FREM2: variants seen among roughly 807,000 people sequenced by gnomAD.
The protein encoded by FREM2 is FRAS1 related extracellular matrix 2.
A neutral mutation model predicts 219.9 loss-of-function variants in FREM2; 119 were observed. That is an observed-to-expected ratio of 0.54 (90% CI 0.47 to 0.63). FREM2 has a LOEUF of 0.63. Among genes scored for constraint, FREM2 ranks in the 30% least tolerant of loss-of-function variants. The pLI, the probability that FREM2 is intolerant of heterozygous loss-of-function variation, is 0.00. For missense variants in FREM2, 4,030 were observed against 3,993.6 expected, an observed-to-expected ratio of 1.01 and a Z score of -0.25; for synonymous variants, 1,562 against 1,522.8, an observed-to-expected ratio of 1.03 and a Z score of -0.60.
In FREM2 at chr13:38,883,040, A is replaced by C. The variant is rs1878601508; in HGVS notation, c.*2253A>C. 1 of 152,110 alleles carries C rather than the reference A, an allele frequency of 6.6e-6. No individual in the cohort carries two copies. The highest frequency in any genetic ancestry group is 6.6e-5 in the Admixed American group (1 of 15,262). 9.4% of individuals were successfully genotyped at this position (152,110 alleles called of 1,614,324 possible). A position where few individuals can be genotyped will look rare whatever the true frequency, so the allele number is the denominator to read the frequency against. On this transcript the variant is annotated 3_prime_UTR_variant, in exon 24 of 24. Transcript: ENST00000280481. ...TGAAGCTACTTTATATAAATTGGAG[A>C]GCTTATAAAATGCAGAACATTTCTA...
chr13:38,714,065 C>T (rs868023242), intron 2 of FREM2, among the ~76,000 whole-genome samples: 1 of 152,320 alleles, frequency 6.6e-6, no homozygotes, highest in Middle Eastern at 3.4e-3. Context: ...ACCCAACCAG[C>T]TTTGAGTTGT....
rs528686970 is a variant in FREM2 at position 38,853,330 on chromosome 13, A to C, written c.6925+1462A>C. ...AAAACTCCGTCTGAAAAAAAAAAAA[A>C]AAAAAACAAATCAGTTCTTCTCTCT... is the stretch of plus-strand genomic sequence containing the variant. On this transcript the variant is annotated intron_variant, in intron 11 of 23. Coordinates refer to ENST00000280481, the MANE Select transcript of FREM2 (RefSeq NM_207361.6). Among the ~76,000 whole-genome samples, 479 of 152,022 alleles carry C rather than the reference A, an allele frequency of 3.2e-3. 2 individuals carry two copies. Among genetic ancestry groups the C allele is most frequent in the African/African-American group, 5.9e-3 (246 of 41,504 alleles).
intron 2 of FREM2, among the ~76,000 whole-genome samples, chr13:38,732,064 G>T (rs1023994246): frequency 6.6e-6 from 1 of 152,192 alleles, no homozygotes; most frequent in Non-Finnish European, 1.5e-5. Context: ...ACTTGCAAGA[G>T]AAATATGAAA....
chr13:38,768,403 A>AAG (rs1873525830), intron 3 of FREM2, among the ~76,000 whole-genome samples: 1 of 152,088 alleles, frequency 6.6e-6, no homozygotes, highest in Non-Finnish European at 1.5e-5. Context: ...CAGCCTCCCC[A>AAG]GTAGCAAGGA....
intron 4 of FREM2, among the ~76,000 whole-genome samples, chr13:38,781,792 A>T (rs1874128019): frequency 6.6e-6 from 1 of 152,142 alleles, no homozygotes; most frequent in Admixed American, 6.5e-5. Flanking sequence ...GGCATGGTAA[A>T]ATGCTTCGAG....
At chr13:38,784,913 A>T (rs1874267609) in intron 6 of FREM2, 105 bp downstream of exon 6, 1 of 1,228,134 alleles carries the variant, frequency 8.1e-7, no homozygotes. Context: ...TAATATACAC[A>T]TTTATTTTAT....
intron 2 of FREM2, among the ~76,000 whole-genome samples, chr13:38,729,824 T>G (rs937942097): frequency 1.3e-5 from 2 of 152,192 alleles, no homozygotes; most frequent in African/African-American, 4.8e-5. Context: ...TAGAGTGAGT[T>G]AGTAACATCA....
chr13:38,688,207 C>G lies in FREM2; in HGVS notation c.863C>G (p.Ser288Ter). The stretch of plus-strand genomic sequence containing the variant: ...ATACCCATGGTGGTGGAGCTGCGTT[C>G]ACGAGGGGCTCCTGTGGGCAGCCCT... Reference protein sequence around the residue: ...DWIPMVVELRSRGAPVGSPAL... With the variant: ...DWIPMVVELR The change falls in exon 1 of 24, where the codon TCA (serine) becomes TGA (stop). Residue 288 changes from serine (S) to a stop codon, truncating the protein, a stop_gained. Coordinates refer to ENST00000280481, the MANE Select transcript of FREM2 (RefSeq NM_207361.6). LOFTEE classifies it high-confidence loss of function. The G allele has an allele frequency of 6.2e-7, 1 of 1,613,220 alleles. No homozygotes were observed. The highest frequency in any genetic ancestry group is 1.1e-5 in the South Asian group (1 of 91,062).
chr13:38,806,861 A>G (rs939126091), intron 6 of FREM2, among the ~76,000 whole-genome samples: 2 of 151,874 alleles, frequency 1.3e-5, no homozygotes. Flanking sequence ...TCAGCTAAGT[A>G]TATATAATAA....
chr13:38,851,474 C>G (rs1877368553), intron 10 of FREM2, among the ~76,000 whole-genome samples: 1 of 152,156 alleles, frequency 6.6e-6, no homozygotes, highest in Admixed American at 6.5e-5. Context: ...AGCACATGCT[C>G]TCTGGGGGCT....
chr13:38,831,979 T>A (rs1876528819), intron 6 of FREM2, among the ~76,000 whole-genome samples: 1 of 152,122 alleles, frequency 6.6e-6, no homozygotes, highest in African/African-American at 2.4e-5. Context: ...AGATATGAGC[T>A]CATTTTTCAG....
intron 6 of FREM2, among the ~76,000 whole-genome samples, chr13:38,811,015 C>T (rs527987769): frequency 3.9e-5 from 6 of 152,090 alleles, no homozygotes; most frequent in Non-Finnish European, 8.8e-5. Flanking sequence ...GAGATTTCTA[C>T]ACAGTTCAAT....
At chr13:38,873,449 A>G (rs1187604832) in intron 17 of FREM2, among the ~76,000 whole-genome samples, 1 of 152,222 alleles carries the variant, frequency 6.6e-6, no homozygotes, top group Non-Finnish European at 1.5e-5. Flanking sequence ...TTTCTGAATG[A>G]TAGACACAAC....
chr13:38,747,674 A>G (rs1872543401), intron 2 of FREM2, among the ~76,000 whole-genome samples: 2 of 152,198 alleles, frequency 1.3e-5, no homozygotes, highest in Admixed American at 6.5e-5. Context: ...ATGCAAATCA[A>G]TGACTCAGAA....
intron 15 of FREM2, among the ~76,000 whole-genome samples, chr13:38,862,860 A>G (rs1049093446): frequency 6.6e-6 from 1 of 152,206 alleles, no homozygotes; most frequent in African/African-American, 2.4e-5. Flanking sequence ...TCCATTGCCC[A>G]TGATAAAGTT....
chr13:38,708,374 C>T (rs527477507), intron 2 of FREM2, among the ~76,000 whole-genome samples: 2 of 152,266 alleles, frequency 1.3e-5, no homozygotes, highest in Admixed American at 1.3e-4. Context: ...TGATTTTAGA[C>T]CGGGCGCAGT....
chr13:38,840,768 G>A (rs2137899699), intron 6 of FREM2, among the ~76,000 whole-genome samples: 1 of 151,380 alleles, frequency 6.6e-6, no homozygotes, highest in Non-Finnish European at 1.5e-5. Flanking sequence ...TTTATAGTCT[G>A]GTAGTCCATT....
chr13:38,703,564 T>C (rs1480145561), intron 2 of FREM2, among the ~76,000 whole-genome samples: 1 of 152,194 alleles, frequency 6.6e-6, no homozygotes, highest in Non-Finnish European at 1.5e-5. Context: ...AGGGTGTTTC[T>C]AGGCCAGATC....
intron 2 of FREM2, among the ~76,000 whole-genome samples, chr13:38,737,708 T>C (rs1159467227): frequency 6.6e-6 from 1 of 152,210 alleles, no homozygotes; most frequent in Non-Finnish European, 1.5e-5. Flanking sequence ...TCTGGACTAA[T>C]ACACAGTCTG....
Sources: allele counts gnomAD v4.1 joint callset (sites outside exome capture counted in the v4.1 genomes callset), GRCh38; gene constraint gnomAD v4.1.1; transcripts MANE v1.5; gene names NCBI Gene and HGNC (gene_info 2026-07-23, HGNC 2026-07-21).